CTNNA3: variants seen among roughly 807,000 people sequenced by gnomAD.
CTNNA3 encodes the protein catenin alpha 3.
CTNNA3 carries 76 observed loss-of-function variants against 95.7 expected under a neutral mutation model. That is an observed-to-expected ratio of 0.79 (90% CI 0.66 to 0.96). The LOEUF (loss-of-function observed/expected upper bound fraction) is 0.96, where lower values mean the gene tolerates loss of function less well. Among genes scored for constraint, CTNNA3 ranks in the 40% least tolerant of loss-of-function variants. The pLI is 0.00. For synonymous variants in CTNNA3, 431 were observed against 374.4 expected, an observed-to-expected ratio of 1.15 and a Z score of -1.74; for missense variants, 1,191 against 1,089.8, an observed-to-expected ratio of 1.09 and a Z score of -1.31.
At chr10:66,498,707 A>G (rs939841542) in intron 11 of CTNNA3, among the ~76,000 whole-genome samples, 17 of 152,286 alleles carry the variant, frequency 1.1e-4, no homozygotes, top group African/African-American at 4.1e-4. Flanking sequence ...TGAAAGGTGC[A>G]GAGTGATCAT....
intron 7 of CTNNA3, among the ~76,000 whole-genome samples, chr10:66,941,972 T>G (rs1848019430): frequency 6.6e-6 from 1 of 152,076 alleles, no homozygotes; most frequent in Non-Finnish European, 1.5e-5. Context: ...AGGAGGGAGA[T>G]CGTAGACTTC....
chr10:67,526,769 G>C (rs148338732), intron 4 of CTNNA3, among the ~76,000 whole-genome samples: 1 of 152,222 alleles, frequency 6.6e-6, no homozygotes, highest in East Asian at 1.9e-4. Context: ...AAACTTAAAA[G>C]TTCCATAAAA....
At chr10:67,674,350 C>T (rs1840497049) in intron 1 of CTNNA3, among the ~76,000 whole-genome samples, 2 of 152,040 alleles carry the variant, frequency 1.3e-5, no homozygotes, top group South Asian at 4.2e-4. Flanking sequence ...TCAGAAGAAA[C>T]CAAACCTGCC....
At chr10:66,518,410 G>T (rs1840938840) in intron 11 of CTNNA3, among the ~76,000 whole-genome samples, 1 of 151,998 alleles carries the variant, frequency 6.6e-6, no homozygotes, top group Non-Finnish European at 1.5e-5. Flanking sequence ...ATGTAAGTAG[G>T]TTCCTTTGCC....
At chr10:66,085,927 G>T (rs968906818) in intron 14 of CTNNA3, among the ~76,000 whole-genome samples, 1 of 152,022 alleles carries the variant, frequency 6.6e-6, no homozygotes, top group Non-Finnish European at 1.5e-5. Flanking sequence ...CCCCTTTGCT[G>T]CTGCAAGAAT....
At chr10:66,044,050 C>A (rs933764668) in intron 15 of CTNNA3, among the ~76,000 whole-genome samples, 9 of 151,490 alleles carry the variant, frequency 5.9e-5, no homozygotes, top group African/African-American at 2.2e-4. Flanking sequence ...AGCTAGAGTG[C>A]AGTGGTGCGA....
At position 67,180,391 on chromosome 10, in the gene CTNNA3, G is replaced by T. The variant is rs369024617; in HGVS notation, c.973C>A (p.Arg325=). The T allele has an allele frequency of 6.2e-7, 1 of 1,613,778 alleles. No individual in the cohort carries two copies. The highest frequency in any genetic ancestry group is 2.2e-5 in the East Asian group (1 of 44,852). ...ADSSCTRDLH[R]ERIIAECNAI... ...TTGCATTCTGCGATAATCCGCTCTC[G>T]GTGTAAGTCCCTCGTACATGAAGAA... Residue 325 remains arginine (R), a synonymous_variant, in exon 7 of 18, where the codon CGA becomes AGA. Transcript: ENST00000433211.
chr10:67,687,565 G>C (rs1379079190), intron 1 of CTNNA3, among the ~76,000 whole-genome samples: 5 of 151,988 alleles, frequency 3.3e-5, no homozygotes, highest in Non-Finnish European at 7.4e-5. Flanking sequence ...TGTTTCTCTT[G>C]GTCCCTATTA....
intron 13 of CTNNA3, among the ~76,000 whole-genome samples, chr10:66,179,689 C>T (rs1351426809): frequency 6.6e-6 from 1 of 151,778 alleles, no homozygotes; most frequent in East Asian, 1.9e-4. Flanking sequence ...GATTTTTTTT[C>T]CATTTTTCAT....
At chr10:66,445,847 C>G (rs1212551718) in intron 11 of CTNNA3, among the ~76,000 whole-genome samples, 1 of 151,900 alleles carries the variant, frequency 6.6e-6, no homozygotes, top group Non-Finnish European at 1.5e-5. Flanking sequence ...AGGAAATAGA[C>G]ACATAAAAAA....
At chr10:66,707,294 T>C (rs780471538) in intron 9 of CTNNA3, among the ~76,000 whole-genome samples, 1 of 152,128 alleles carries the variant, frequency 6.6e-6, no homozygotes, top group African/African-American at 2.4e-5. Flanking sequence ...TTGTGCACAA[T>C]GTATAGAGAA....
At position 66,346,740 on chromosome 10, in the gene CTNNA3, C is replaced by G. The variant is rs2092523933; in HGVS notation, c.1732+32412G>C. On this transcript the variant is annotated intron_variant, in intron 12 of 17. Coordinates refer to ENST00000433211, the MANE Select transcript of CTNNA3 (RefSeq NM_013266.4). ...TTGATCCTAATAACTTACTTAATTA[C>G]CTAATAACTTACATGAAACGTTATT... 1.3e-5 allele frequency among the ~76,000 whole-genome samples: 2 copies of G among 152,018 alleles called. 1 individual carries two copies. Among genetic ancestry groups the G allele is most frequent in the South Asian group, 4.1e-4 (2 of 4,820 alleles).
intron 14 of CTNNA3, among the ~76,000 whole-genome samples, chr10:66,085,962 C>T (rs1186385974): frequency 1.3e-5 from 2 of 152,138 alleles, no homozygotes; most frequent in Admixed American, 6.6e-5. Flanking sequence ...GATGGTAACA[C>T]CTATCCTACA....
chr10:66,068,787 A>G (rs534803411), intron 15 of CTNNA3, among the ~76,000 whole-genome samples: 1 of 152,300 alleles, frequency 6.6e-6, no homozygotes, highest in African/African-American at 2.4e-5. Flanking sequence ...ATTTTAAGAC[A>G]ATAACAAACA....
At position 67,646,836 on chromosome 10, in the gene CTNNA3, C is replaced by A. The variant is rs150178193; in HGVS notation, c.99+579G>T. Among the ~76,000 whole-genome samples the A allele has an allele frequency of 7.4e-3, 1,119 of 152,186 alleles. 16 individuals carry two copies. The highest frequency in any genetic ancestry group is 0.026 in the African/African-American group (1,065 of 41,542). The stretch of plus-strand genomic sequence containing the variant: ...AGCCCTGCTCTAAGAAAATCCAATA[C>A]ATGAAATCTCGACTTACATAATAAA... On this transcript the variant is annotated intron_variant, in intron 2 of 17. Coordinates refer to ENST00000433211, the MANE Select transcript of CTNNA3 (RefSeq NM_013266.4).
chr10:67,727,655 A>C (rs888833944), intron 1 of CTNNA3, among the ~76,000 whole-genome samples: 29 of 127,746 alleles, frequency 2.3e-4, no homozygotes, highest in African/African-American at 7.9e-4. Flanking sequence ...ATTATATTAT[A>C]TATGATATAT....
chr10:65,947,174 ATT>A (rs2077531346), intron 17 of CTNNA3, among the ~76,000 whole-genome samples: 1 of 151,656 alleles, frequency 6.6e-6, no homozygotes, highest in African/African-American at 2.4e-5. Context: ...AGCAGAGAAC[ATT>A]ATTCTTCCTC....
chr10:66,079,526 A>G (rs1437409226), intron 14 of CTNNA3, among the ~76,000 whole-genome samples: 1 of 151,942 alleles, frequency 6.6e-6, no homozygotes. Flanking sequence ...TGTATGTATT[A>G]AATGTGTAAT....
At chr10:66,697,426 T>C (rs1053886718) in intron 9 of CTNNA3, among the ~76,000 whole-genome samples, 1 of 149,582 alleles carries the variant, frequency 6.7e-6, no homozygotes, top group East Asian at 2.0e-4. Context: ...GGGAAAAAAA[T>C]TTATATACAC....
Sources: gnomAD v4.1 joint callset for allele counts (sites outside exome capture counted in the v4.1 genomes callset) on GRCh38, gnomAD v4.1.1 for gene constraint, MANE v1.5 for transcripts, NCBI Gene and HGNC (gene_info 2026-07-23, HGNC 2026-07-21) for gene names.